NETO1: variants seen among roughly 807,000 people sequenced by gnomAD.
NETO1 encodes the protein neuropilin and tolloid-like protein 1.
NETO1 carries 26 observed loss-of-function variants against 61.3 expected under a neutral mutation model. The observed-to-expected ratio is 0.42, with a 90% CI of 0.31 to 0.59. The LOEUF is 0.59. NETO1 is among the 20% of genes least tolerant of loss of function. The probability of loss-of-function intolerance (pLI) is 0.12; values close to 1 mark genes in which losing one functional copy is unlikely to be tolerated. For missense variants in NETO1, 531 were observed against 662.8 expected, an observed-to-expected ratio of 0.80 and a Z score of 2.18; for synonymous variants, 225 against 225.8, an observed-to-expected ratio of 1.00 and a Z score of 0.03.
chr18:72,835,125 C>T (rs2073702289), intron 4 of NETO1: 1 of 1,214,034 alleles, frequency 8.2e-7, no homozygotes, highest in Middle Eastern at 2.8e-4. Context: ...GAATATGTGG[C>T]AAACTTTCTC....
intron 4 of NETO1, among the ~76,000 whole-genome samples, chr18:72,826,811 C>T (rs1378940477): frequency 6.6e-6 from 1 of 152,130 alleles, no homozygotes; most frequent in African/African-American, 2.4e-5. Flanking sequence ...TTGCAATGGG[C>T]CCTATTGTGC....
intron 4 of NETO1, among the ~76,000 whole-genome samples, chr18:72,844,781 T>C (rs1003848032): frequency 6.6e-6 from 1 of 152,166 alleles, no homozygotes; most frequent in South Asian, 2.1e-4. Flanking sequence ...TTTGTTTGTT[T>C]TTTTGTTTTC....
intron 7 of NETO1, among the ~76,000 whole-genome samples, chr18:72,777,442 C>CAAA (rs536187354): frequency 1.2e-5 from 1 of 85,334 alleles, no homozygotes; most frequent in Non-Finnish European, 2.2e-5. Flanking sequence ...AAAACAACAA[C>CAAA]AAAAAAAAAA....
intron 4 of NETO1, among the ~76,000 whole-genome samples, chr18:72,831,733 T>C (rs1317163778): frequency 1.3e-5 from 2 of 152,254 alleles, no homozygotes; most frequent in Admixed American, 6.5e-5. Context: ...ACATACATCT[T>C]GTATAACTTT....
chr18:72,772,825 C>CTCTCTCTCTCTATATA, intron 7 of NETO1, among the ~76,000 whole-genome samples: 1 of 40,858 alleles, frequency 2.4e-5, no homozygotes, highest in South Asian at 1.5e-3. Context: ...CTCTCTCTCT[C>CTCTCTCTCTCTATATA]TATATATATA....
At chr18:72,813,496 TA>T (rs1555691922) in intron 4 of NETO1, among the ~76,000 whole-genome samples, 2 of 152,076 alleles carry the variant, frequency 1.3e-5, no homozygotes, top group Non-Finnish European at 2.9e-5. Flanking sequence ...TTCCAAATAG[TA>T]GAACTACCAT....
At chr18:72,795,745 T>G (rs1310427342) in intron 4 of NETO1, among the ~76,000 whole-genome samples, 1 of 152,246 alleles carries the variant, frequency 6.6e-6, no homozygotes, top group Non-Finnish European at 1.5e-5. Context: ...TATCATTTTC[T>G]TGCATAGTGA....
In NETO1 at chr18:72,810,130, A is replaced by G. The variant is rs139145642; in HGVS notation, c.470-15726T>C. On this transcript the variant is annotated intron_variant, in intron 4 of 10. Transcript: ENST00000327305. ...TTAAAGGATTTATTTGCATTCTACA[A>G]TATCAAGTAATCTTGGTCCATTTTA... 3.0e-3 allele frequency among the ~76,000 whole-genome samples: 455 copies of G among 152,360 alleles called. 3 individuals are homozygous for G. Among genetic ancestry groups the G allele is most frequent in the African/African-American group, 0.01 (420 of 41,578 alleles).
At position 72,793,508 on chromosome 18, in the gene NETO1, A is replaced by T. The variant is rs545051324; in HGVS notation, c.639+609T>A. Among the ~76,000 whole-genome samples the T allele has an allele frequency of 2.3e-4, 35 of 152,312 alleles. 1 individual carries two copies. In the South Asian group the frequency reaches 7.3e-3, roughly 32 times the overall value. On this transcript the variant is annotated intron_variant, in intron 6 of 10. Transcript: ENST00000327305. ...CAACTCTCAAAAGTCAGGGTGATCA[A>T]CATAAAATCTAGACTTTTGGCAAGT...
At chr18:72,860,391 C>A (rs1412786463) in intron 3 of NETO1, among the ~76,000 whole-genome samples, 1 of 152,062 alleles carries the variant, frequency 6.6e-6, no homozygotes, top group Non-Finnish European at 1.5e-5. Context: ...TCCATGATGA[C>A]CTAAAATGTA....
At chr18:72,781,658 C>T (rs1281233810) in intron 7 of NETO1, among the ~76,000 whole-genome samples, 4 of 152,226 alleles carry the variant, frequency 2.6e-5, no homozygotes, top group Admixed American at 6.5e-5. Context: ...AAAGCCCAAA[C>T]GATTTATTCG....
intron 4 of NETO1, among the ~76,000 whole-genome samples, chr18:72,853,986 A>C (rs2074338156): frequency 6.6e-6 from 1 of 152,150 alleles, no homozygotes; most frequent in African/African-American, 2.4e-5. Flanking sequence ...AAAGAGGAAA[A>C]ATATTGCACC....
rs1255303448 is a variant in NETO1, at chr18:72,745,628, C to T, written c.*2551G>A. The T allele has an allele frequency of 6.6e-6, 1 of 152,110 alleles. No individual in the cohort carries two copies. The highest frequency in any genetic ancestry group is 1.9e-4 in the East Asian group (1 of 5,194). 9.4% of individuals were successfully genotyped at this position (152,110 alleles called of 1,614,324 possible). ...GTGTCACCACCTTTAGAATGTGGGC[C>T]AAAGGCTGCATTCAGGTGATAAGGT... On this transcript the variant is annotated 3_prime_UTR_variant, in exon 11 of 11. Coordinates refer to ENST00000327305, the MANE Select transcript of NETO1 (RefSeq NM_138966.5).
At chr18:72,785,867 A>G (rs531126271) in intron 6 of NETO1, among the ~76,000 whole-genome samples, 8 of 152,184 alleles carry the variant, frequency 5.3e-5, no homozygotes, top group Non-Finnish European at 7.3e-5. Flanking sequence ...TGCACATCCA[A>G]TGAAAGGTTT....
intron 6 of NETO1, among the ~76,000 whole-genome samples, chr18:72,789,491 C>T (rs1449309783): frequency 2.0e-5 from 3 of 152,074 alleles, no homozygotes; most frequent in Admixed American, 2.0e-4. Context: ...ATCTTCAGAA[C>T]CCTTGATGCT....
intron 4 of NETO1, among the ~76,000 whole-genome samples, chr18:72,803,465 C>T (rs1338642156): frequency 6.6e-6 from 1 of 152,142 alleles, no homozygotes; most frequent in Non-Finnish European, 1.5e-5. Context: ...CTTTAAGAAG[C>T]TATCACTTGT....
In NETO1 at chr18:72,746,190, G is replaced by T. The variant is rs113030150; in HGVS notation, c.*1989C>A. ...ATTGCTGTTACAAATAAAAAATCTT[G>T]ACAGTTATATCATACTTTTGAGATT... On this transcript the variant is annotated 3_prime_UTR_variant, in exon 11 of 11. Transcript: ENST00000327305. Among the ~76,000 whole-genome samples, 114 of 152,060 alleles carry T rather than the reference G, an allele frequency of 7.5e-4. No homozygotes were observed. Among genetic ancestry groups the T allele is most frequent in the Middle Eastern group, 3.4e-3 (1 of 290 alleles).
intron 4 of NETO1, among the ~76,000 whole-genome samples, chr18:72,801,812 C>T (rs1352233480): frequency 6.6e-6 from 1 of 151,894 alleles, no homozygotes; most frequent in Admixed American, 6.6e-5. Context: ...GTAATATTTC[C>T]TCTTAAATAA....
intron 4 of NETO1, among the ~76,000 whole-genome samples, chr18:72,851,874 G>C (rs974909260): frequency 2.6e-5 from 4 of 152,150 alleles, no homozygotes; most frequent in African/African-American, 9.7e-5. Flanking sequence ...AGGTGTATCA[G>C]CACCGTGCTT....
Sources: gnomAD v4.1 joint callset for allele counts (sites outside exome capture counted in the v4.1 genomes callset) on GRCh38, gnomAD v4.1.1 for gene constraint, MANE v1.5 for transcripts, NCBI Gene and HGNC (gene_info 2026-07-23, HGNC 2026-07-21) for gene names.